CC2D2A: variants seen among roughly 807,000 people sequenced by gnomAD.
CC2D2A encodes the protein coiled-coil and C2 domain containing 2A.
Under a neutral mutation model 212.9 loss-of-function variants are expected in CC2D2A, and 155 were observed. The observed-to-expected ratio is 0.73, with a 90% CI of 0.64 to 0.83. The LOEUF (loss-of-function observed/expected upper bound fraction) is 0.83, where lower values mean the gene tolerates loss of function less well. CC2D2A is among the 40% of genes least tolerant of loss of function. The pLI is 0.00. For missense variants in CC2D2A, 1,856 were observed against 1,956.2 expected (o/e 0.95, Z 0.97); for synonymous variants, 667 against 686.5 (o/e 0.97, Z 0.44).
At chr4:15,492,494 TTTTTTG>T in intron 4 of CC2D2A, among the ~76,000 whole-genome samples, 1 of 136,348 alleles carries the variant, frequency 7.3e-6, no homozygotes, top group African/African-American at 3.5e-5. Flanking sequence ...CCAAATTCTT[TTTTTTG>T]TTTGTTTGTT....
At chr4:15,569,223 C>G in intron 26 of CC2D2A, 70 bp from the exon 27 acceptor site, 1 of 822,362 alleles carries the variant, frequency 1.2e-6, no homozygotes, top group Non-Finnish European at 2.0e-6. Flanking sequence ...TTTTCAAATG[C>G]TGACATTTGA....
chr4:15,522,997 C>A (rs1717298995), intron 11 of CC2D2A, among the ~76,000 whole-genome samples: 1 of 151,782 alleles, frequency 6.6e-6, no homozygotes, highest in Admixed American at 6.6e-5. Context: ...TGGGTGTAAT[C>A]TCAGCTACTC....
chr4:15,494,559 A>G (rs1164170085), intron 4 of CC2D2A, among the ~76,000 whole-genome samples: 2 of 152,202 alleles, frequency 1.3e-5, no homozygotes, highest in African/African-American at 4.8e-5. Flanking sequence ...ACACTAGTCT[A>G]TTTCATAAAA....
In CC2D2A at chr4:15,553,219, A is replaced by T; in HGVS notation, c.2400A>T (p.Lys800Asn). 6.2e-7 allele frequency: 1 copy of T among 1,612,242 alleles called. No individual in the cohort carries two copies. The highest frequency in any genetic ancestry group is 1.1e-5 in the South Asian group (1 of 90,526). ...SNQLTLMTSG[K>N]VSHSVAWAIG... ...AGCTGACTCTGATGACCTCAGGGAA[A>T]GTGTCTCATAGTGTGGCATGGGCCA... The change falls in exon 19 of 37, where the codon AAA becomes AAT. Residue 800 changes from lysine to asparagine, a missense_variant. Lys to Asn is a moderately conservative substitution (Grantham distance 94). This residue lies in a region of CC2D2A where 1,512 missense variants were observed against 1,579.3 expected (regional missense o/e 0.96). Transcript: ENST00000424120.
chr4:15,507,648 C>A (rs1716339176), intron 6 of CC2D2A, among the ~76,000 whole-genome samples: 1 of 152,148 alleles, frequency 6.6e-6, no homozygotes. Context: ...TATTAGTGTG[C>A]AAGGAGTAAA....
intron 13 of CC2D2A, among the ~76,000 whole-genome samples, chr4:15,529,756 T>G (rs1267255494): frequency 6.6e-6 from 1 of 151,332 alleles, no homozygotes; most frequent in African/African-American, 2.4e-5. Flanking sequence ...ATTATATTTG[T>G]GTACCTGTAT....
At chr4:15,499,585 T>C (rs1715807098) in intron 4 of CC2D2A, among the ~76,000 whole-genome samples, 1 of 152,228 alleles carries the variant, frequency 6.6e-6, no homozygotes, top group African/African-American at 2.4e-5. Flanking sequence ...TAAAATATCT[T>C]GTCTCTCTTT....
intron 23 of CC2D2A, chr4:15,561,513 G>C (rs1454886070): frequency 6.6e-6 from 1 of 151,984 alleles, no homozygotes. Flanking sequence ...ATTACACTTA[G>C]AATAGATGAT....
intron 32 of CC2D2A, 32 bp from the exon 33 acceptor site, chr4:15,589,513 G>T: frequency 6.3e-7 from 1 of 1,598,220 alleles, no homozygotes; most frequent in Non-Finnish European, 8.5e-7. Context: ...ATAAATAGTT[G>T]AAAACTAGTT....
In CC2D2A at chr4:15,502,373, T is replaced by TTTC. The variant is rs1471145226; in HGVS notation, c.248-53_248-51dup. On this transcript the variant is annotated intron_variant, in intron 4 of 36. Coordinates refer to ENST00000424120, the MANE Select transcript of CC2D2A (RefSeq NM_001378615.1). ...GAATTGTTTTAAAGTAATTTTCCTT[T>TTTC]TTCTTTTCTTTTTCTTTTTTTTTTA... 3 of 1,434,394 alleles carry TTTC rather than the reference T, an allele frequency of 2.1e-6. No homozygotes were observed. The African/African-American group carries it at 4.4e-5, about 21-fold the overall frequency. 88.9% of individuals were successfully genotyped at this position (1,434,394 alleles called of 1,614,324 possible).
rs1716905749 is a variant in CC2D2A, at chr4:15,516,880, C to T, written c.1149+124C>T. 3 of 871,678 alleles carry T rather than the reference C, an allele frequency of 3.4e-6. No homozygotes were observed. The South Asian group carries it at 9.1e-5, about 27-fold the overall frequency. 54.0% of individuals were successfully genotyped at this position (871,678 alleles called of 1,614,324 possible). ...TTTTTAAATAATTCACTATCTTACA[C>T]ATAAAGAACAAACATCAGGCATATT... On this transcript the variant is annotated intron_variant, in intron 11 of 36. Transcript: ENST00000424120.
intron 4 of CC2D2A, among the ~76,000 whole-genome samples, chr4:15,500,710 C>T (rs1018297593): frequency 6.6e-6 from 1 of 152,196 alleles, no homozygotes; most frequent in East Asian, 1.9e-4. Flanking sequence ...GTTGTCTTTG[C>T]TTGCATAAAG....
intron 17 of CC2D2A, 26 bp from the exon 18 acceptor site, chr4:15,550,798 G>A: frequency 6.6e-7 from 1 of 1,525,286 alleles, no homozygotes; most frequent in Non-Finnish European, 8.9e-7. Flanking sequence ...TGTTTTTATT[G>A]GCTATTTCTC....
At chr4:15,568,114 C>T (rs1220803527) in intron 26 of CC2D2A, among the ~76,000 whole-genome samples, 3 of 152,206 alleles carry the variant, frequency 2.0e-5, no homozygotes, top group Non-Finnish European at 4.4e-5. Context: ...TTCCTCATGT[C>T]CCCTCAAGTA....
In CC2D2A at chr4:15,550,964, C is replaced by T. The variant is rs1412103905; in HGVS notation, c.2322C>T (p.His774=). The T allele has an allele frequency of 3.8e-6, 6 of 1,595,290 alleles. No homozygotes were observed. Among genetic ancestry groups the T allele is most frequent in the African/African-American group, 1.3e-5 (1 of 74,756 alleles). Residue 774 remains histidine, a synonymous_variant, in exon 18 of 37, where the codon CAC becomes CAT. Transcript: ENST00000424120. ...FSSNQHVTLD[H]EGVGSGVPFS... is the part of the protein sequence containing the mutation. ...GTAATCAGCATGTGACACTGGACCA[C>T]GAGGGAGTTGGAAGTGGTATGGAAA...
chr4:15,504,685 C>T (rs956591371), intron 6 of CC2D2A, among the ~76,000 whole-genome samples: 1 of 152,158 alleles, frequency 6.6e-6, no homozygotes, highest in Admixed American at 6.6e-5. Context: ...GTTTATTTCT[C>T]ATTGTAATCA....
intron 2 of CC2D2A, among the ~76,000 whole-genome samples, chr4:15,477,907 A>G (rs1169215782): frequency 3.3e-5 from 5 of 152,184 alleles, no homozygotes; most frequent in Non-Finnish European, 7.3e-5. Context: ...CTTAAAATTC[A>G]TACTTTGTGT....
At chr4:15,502,959 A>T in intron 6 of CC2D2A, 36 bp downstream of exon 6, 1 of 1,500,066 alleles carries the variant, frequency 6.7e-7, no homozygotes, top group Non-Finnish European at 9.1e-7. Flanking sequence ...GATCAAAACC[A>T]GTAAAGCAGA....
In CC2D2A at chr4:15,557,520, C is replaced by T; in HGVS notation, c.2829+13C>T. ...AAAGGTATTCCAGGTAAGAAACTGC[C>T]ATAGAGGGGTTAATAAAATAATAAA... is the stretch of plus-strand genomic sequence containing the variant. On this transcript the variant is annotated intron_variant, in intron 21 of 36. Coordinates refer to ENST00000424120, the MANE Select transcript of CC2D2A (RefSeq NM_001378615.1). The T allele has an allele frequency of 6.5e-7, 1 of 1,546,818 alleles. No homozygotes were observed. Among genetic ancestry groups the T allele is most frequent in the Non-Finnish European group, 8.8e-7 (1 of 1,135,406 alleles).
Sources: allele counts gnomAD v4.1 joint callset (sites outside exome capture counted in the v4.1 genomes callset), GRCh38; gene constraint gnomAD v4.1.1; regional missense constraint gnomAD v4.1.1; transcripts MANE v1.5; gene names NCBI Gene and HGNC (gene_info 2026-07-23, HGNC 2026-07-21).